The following CNTN5 variants were observed in gnomAD, a reference collection of about 807,000 sequenced individuals.
CNTN5 encodes the protein contactin-5.
CNTN5 carries 77 observed loss-of-function variants against 129.1 expected under a neutral mutation model. That is an observed-to-expected ratio of 0.60 (90% CI 0.50 to 0.72). CNTN5 has a LOEUF of 0.72. Ranked by LOEUF, CNTN5 falls within the 30% of genes least tolerant of loss-of-function variation. The pLI is 0.00. For synonymous variants in CNTN5, 509 were observed against 465.6 expected (o/e 1.09, Z -1.20); for missense variants, 1,478 against 1,328.8 (o/e 1.11, Z -1.75).
chr11:100,043,352 C>A (rs1343748779), intron 9 of CNTN5, among the ~76,000 whole-genome samples: 1 of 152,118 alleles, frequency 6.6e-6, no homozygotes, highest in African/African-American at 2.4e-5. Context: ...GTTTGGAAGT[C>A]TTTCCAAACA....
intron 1 of CNTN5, among the ~76,000 whole-genome samples, chr11:99,099,641 C>G (rs578147837): frequency 8.7e-4 from 133 of 152,010 alleles, no homozygotes; most frequent in African/African-American, 3.2e-3. Context: ...TGTTCATTGC[C>G]CAGACTCCCA....
At chr11:99,090,088 G>A (rs1866176310) in intron 1 of CNTN5, among the ~76,000 whole-genome samples, 1 of 152,130 alleles carries the variant, frequency 6.6e-6, no homozygotes. Flanking sequence ...TTTTAACCAT[G>A]ATGATTGTTT....
chr11:99,661,085 C>A (rs1244021674), intron 3 of CNTN5, among the ~76,000 whole-genome samples: 1 of 151,958 alleles, frequency 6.6e-6, no homozygotes, highest in African/African-American at 2.4e-5. Flanking sequence ...AATTCTAAAC[C>A]ATTTAAGTGT....
In CNTN5 at chr11:99,786,389, G is replaced by A. The variant is rs1187887249; in HGVS notation, c.56-33155G>A. On this transcript the variant is annotated intron_variant, in intron 3 of 24. Coordinates refer to ENST00000524871, the MANE Select transcript of CNTN5 (RefSeq NM_014361.4). ...AAATGGAAAAACATTCCATGCCCAT[G>A]GATAGGAAGAATCAATATCGCAAAA... Among the ~76,000 whole-genome samples the A allele has an allele frequency of 1.3e-5, 2 of 151,642 alleles. 1 individual carries two copies. Among genetic ancestry groups the A allele is most frequent in the East Asian group, 4.2e-4 (2 of 4,736 alleles).
intron 1 of CNTN5, among the ~76,000 whole-genome samples, chr11:99,226,990 A>G (rs926238554): frequency 3.3e-5 from 5 of 152,216 alleles, no homozygotes; most frequent in Non-Finnish European, 1.5e-5. Context: ...TAAAATAATT[A>G]TCACAGTATC....
At chr11:99,705,901 T>C (rs1047724537) in intron 3 of CNTN5, among the ~76,000 whole-genome samples, 10 of 151,594 alleles carry the variant, frequency 6.6e-5, no homozygotes, top group African/African-American at 2.2e-4. Flanking sequence ...TGTTATACAC[T>C]AGAATAACAG....
chr11:100,137,079 T>G lies in CNTN5; in HGVS notation c.1581-54047T>G, dbSNP rs530577264. ...TACACTCCAGGTATAAATACAGAAT[T>G]CTATGGCATATAAAAGATTTAAGGT... On this transcript the variant is annotated intron_variant, in intron 13 of 24. Coordinates refer to ENST00000524871, the MANE Select transcript of CNTN5 (RefSeq NM_014361.4). Among the ~76,000 whole-genome samples, 13 of 152,090 alleles carry G rather than the reference T, an allele frequency of 8.5e-5. No homozygotes were observed. In the South Asian group the frequency reaches 2.7e-3, roughly 32 times the overall value.
chr11:99,961,098 G>A (rs1241581296), intron 8 of CNTN5, among the ~76,000 whole-genome samples: 3 of 151,038 alleles, frequency 2.0e-5, no homozygotes, highest in East Asian at 2.0e-4. Context: ...CCCACTACCC[G>A]GGAGGCTGAG....
intron 10 of CNTN5, among the ~76,000 whole-genome samples, chr11:100,070,138 T>C (rs975246130): frequency 6.8e-6 from 1 of 147,706 alleles, no homozygotes; most frequent in South Asian, 2.1e-4. Context: ...TTCAGGTGCC[T>C]TGGGGATAAC....
intron 10 of CNTN5, among the ~76,000 whole-genome samples, chr11:100,064,928 T>G (rs1047328997): frequency 6.6e-6 from 1 of 152,078 alleles, no homozygotes; most frequent in Non-Finnish European, 1.5e-5. Context: ...GGGAAATATT[T>G]TATGTACACA....
chr11:99,677,259 C>A (rs1328187924), intron 3 of CNTN5, among the ~76,000 whole-genome samples: 1 of 152,088 alleles, frequency 6.6e-6, no homozygotes, highest in Non-Finnish European at 1.5e-5. Context: ...TAATTATCTT[C>A]TCTGTTTAAC....
At chr11:99,294,065 T>C (rs1864282847) in intron 1 of CNTN5, among the ~76,000 whole-genome samples, 2 of 152,134 alleles carry the variant, frequency 1.3e-5, no homozygotes, top group Non-Finnish European at 2.9e-5. Context: ...ACTTTCTTCA[T>C]AGTACTGCTT....
intron 13 of CNTN5, among the ~76,000 whole-genome samples, chr11:100,182,557 T>G (rs568950525): frequency 6.6e-6 from 1 of 152,224 alleles, no homozygotes; most frequent in South Asian, 2.1e-4. Context: ...TAGAAGTTCA[T>G]CATTTCAAAA....
intron 1 of CNTN5, among the ~76,000 whole-genome samples, chr11:99,222,724 G>A (rs79213709): frequency 0.02 from 3,066 of 152,064 alleles, 41 homozygotes; most frequent in Non-Finnish European, 0.027. Context: ...AATTTGAATC[G>A]TAATGCAGGA....
At chr11:100,225,658 CAGAACATTACCA>C (rs1949357491) in intron 16 of CNTN5, among the ~76,000 whole-genome samples, 2 of 151,968 alleles carry the variant, frequency 1.3e-5, no homozygotes, top group African/African-American at 4.8e-5. Context: ...AAGTAAAAAC[CAGAACATTACCA>C]AGATCCCACC....
chr11:100,241,285 CA>C lies in CNTN5; in HGVS notation c.2006-14474del, dbSNP rs774524483. On this transcript the variant is annotated intron_variant, in intron 16 of 24. Transcript: ENST00000524871. ...TTCAGGATCACCTTCGATGGATGGA[CA>C]GCATTACTTTTATAGTGGACTATAT... Among the ~76,000 whole-genome samples, 204 of 152,272 alleles carry C rather than the reference CA, an allele frequency of 1.3e-3. 1 individual carries two copies. The highest frequency in any genetic ancestry group is 7.1e-4 in the Non-Finnish European group (48 of 68,020).
At chr11:99,382,858 T>G (rs2136165201) in intron 2 of CNTN5, among the ~76,000 whole-genome samples, 1 of 113,484 alleles carries the variant, frequency 8.8e-6, no homozygotes, top group Non-Finnish European at 1.8e-5. Context: ...TTTTTTTTTT[T>G]TTTTTTTTTT....
chr11:99,148,165 CAAATACGTACTA>C, intron 1 of CNTN5, among the ~76,000 whole-genome samples: 1 of 152,096 alleles, frequency 6.6e-6, no homozygotes, highest in Non-Finnish European at 1.5e-5. Flanking sequence ...TCTCTTGTAT[CAAATACGTACTA>C]AAAAGGGCCT....
chr11:100,120,061 A>G (rs1326872682), intron 13 of CNTN5, among the ~76,000 whole-genome samples: 2 of 148,654 alleles, frequency 1.3e-5, no homozygotes, highest in Admixed American at 1.4e-4. Context: ...AATTAATGTA[A>G]CCACAGCAAA....
Sources: allele counts gnomAD v4.1 joint callset (sites outside exome capture counted in the v4.1 genomes callset), GRCh38; gene constraint gnomAD v4.1.1; transcripts MANE v1.5; gene names NCBI Gene and HGNC (gene_info 2026-07-23, HGNC 2026-07-21).